SDK1: variants seen among roughly 807,000 people sequenced by gnomAD.
The protein encoded by SDK1 is sidekick cell adhesion molecule 1.
Under a neutral mutation model 245.5 loss-of-function variants are expected in SDK1, and 157 were observed. That is an observed-to-expected ratio of 0.64 (90% CI 0.56 to 0.73). The LOEUF (loss-of-function observed/expected upper bound fraction) is 0.73. Ranked by LOEUF, SDK1 falls within the 30% of genes least tolerant of loss-of-function variation. The pLI is 0.00. For synonymous variants in SDK1, 1,647 were observed against 1,278.5 expected (o/e 1.29, Z -6.15); for missense variants, 3,583 against 3,002.3 (o/e 1.19, Z -4.52).
At chr7:3,368,798 G>A (rs1442367851) in intron 1 of SDK1, among the ~76,000 whole-genome samples, 7 of 152,162 alleles carry the variant, frequency 4.6e-5, no homozygotes, top group African/African-American at 7.2e-5. Context: ...ACTTAGAACC[G>A]TGTGTGACAT....
chr7:3,824,912 A>G (rs942825798), intron 5 of SDK1, among the ~76,000 whole-genome samples: 2 of 152,190 alleles, frequency 1.3e-5, no homozygotes, highest in African/African-American at 2.4e-5. Context: ...GGTTAAGAAG[A>G]TAAATTCCAG....
chr7:3,744,166 C>G (rs531343905), intron 4 of SDK1, among the ~76,000 whole-genome samples: 4 of 152,026 alleles, frequency 2.6e-5, no homozygotes, highest in South Asian at 2.1e-4. Context: ...TGGCCTGGTG[C>G]CCCACTTTAT....
intron 4 of SDK1, among the ~76,000 whole-genome samples, chr7:3,776,363 G>A (rs535379627): frequency 7.9e-5 from 12 of 152,322 alleles, no homozygotes; most frequent in African/African-American, 2.9e-4. Context: ...GTTGCACGGT[G>A]AAAATCTATT....
chr7:3,585,831 C>T (rs983601852), intron 1 of SDK1, among the ~76,000 whole-genome samples: 1 of 151,972 alleles, frequency 6.6e-6, no homozygotes, highest in East Asian at 1.9e-4. Flanking sequence ...TTTTTGTCAG[C>T]GAGGAAATAA....
In SDK1 at chr7:3,388,815, C is replaced by T. The variant is rs1279568126; in HGVS notation, c.298+86931C>T. Among the ~76,000 whole-genome samples, 4 of 152,062 alleles carry T rather than the reference C, an allele frequency of 2.6e-5. No individual in the cohort carries two copies. In the East Asian group the frequency reaches 7.7e-4, roughly 29 times the overall value. On this transcript the variant is annotated intron_variant, in intron 1 of 44. Coordinates refer to ENST00000404826, the MANE Select transcript of SDK1 (RefSeq NM_152744.4). Reference sequence around the variant, plus strand: ...TAAGTCAACGTGTGTTTATCGAGTACCTACTGTGTCAGGCACATGCTTGAT... The same window carrying T: ...TAAGTCAACGTGTGTTTATCGAGTATCTACTGTGTCAGGCACATGCTTGAT...
chr7:3,955,951 G>A (rs955167560), intron 7 of SDK1, among the ~76,000 whole-genome samples: 1 of 152,208 alleles, frequency 6.6e-6, no homozygotes, highest in African/African-American at 2.4e-5. Context: ...GGAGGCAGCT[G>A]CCATGGGCTC....
chr7:3,947,530 T>TTGTGTGTGTGTGTGTG (rs745830597), intron 5 of SDK1, among the ~76,000 whole-genome samples: 1 of 140,376 alleles, frequency 7.1e-6, no homozygotes, highest in African/African-American at 2.6e-5. Context: ...AAGTATTTGC[T>TTGTGTGTGTGTGTGTG]TGTGTGTGTG....
At chr7:3,726,665 G>T (rs1430248756) in intron 4 of SDK1, among the ~76,000 whole-genome samples, 1 of 152,166 alleles carries the variant, frequency 6.6e-6, no homozygotes, top group Non-Finnish European at 1.5e-5. Context: ...ACTTTAAAAG[G>T]TGGGTAGTGG....
At chr7:3,862,162 C>A (rs1470251583) in intron 5 of SDK1, among the ~76,000 whole-genome samples, 1 of 152,210 alleles carries the variant, frequency 6.6e-6, no homozygotes, top group Non-Finnish European at 1.5e-5. Context: ...AATTGCTTTC[C>A]TTTATTTAGA....
chr7:4,040,127 C>G (rs1258845339), intron 17 of SDK1, among the ~76,000 whole-genome samples: 1 of 152,176 alleles, frequency 6.6e-6, no homozygotes, highest in Non-Finnish European at 1.5e-5. Context: ...TGTCTCACCA[C>G]ACTGGGGGCT....
rs114326837 is a variant in SDK1 at position 3,719,489 on chromosome 7, A to G, written c.713+77384A>G. Among the ~76,000 whole-genome samples, 1,023 of 152,276 alleles carry G rather than the reference A, an allele frequency of 6.7e-3. 12 individuals carry two copies. The highest frequency in any genetic ancestry group is 0.023 in the African/African-American group (970 of 41,552). ...AGACAGAGAACCCAGAAACAGACCC[A>G]CACGAATATGCCCAACTAATTTTTG... On this transcript the variant is annotated intron_variant, in intron 4 of 44. Transcript: ENST00000404826.
chr7:3,778,880 G>A (rs1780641622), intron 4 of SDK1, among the ~76,000 whole-genome samples: 2 of 152,192 alleles, frequency 1.3e-5, no homozygotes, highest in African/African-American at 2.4e-5. Flanking sequence ...TCAGGTGGGA[G>A]ACTAGCTGGC....
chr7:3,641,814 G>A (rs1240477733), intron 3 of SDK1, 144 bp from the exon 4 acceptor site: 16 of 682,948 alleles, frequency 2.3e-5, no homozygotes, highest in South Asian at 2.2e-4. Flanking sequence ...GTTGGTCAGC[G>A]CTGCCGTGCA....
intron 14 of SDK1, among the ~76,000 whole-genome samples, chr7:3,988,124 T>C (rs1784016301): frequency 6.8e-6 from 1 of 147,346 alleles, no homozygotes; most frequent in Non-Finnish European, 1.5e-5. Context: ...TGCATCCATC[T>C]TTTTAATGTT....
intron 1 of SDK1, among the ~76,000 whole-genome samples, chr7:3,418,128 C>T (rs773344301): frequency 4.6e-4 from 57 of 123,112 alleles, no homozygotes; most frequent in Middle Eastern, 7.9e-3. Context: ...AGGTGAAACC[C>T]GATCTCTACT....
chr7:3,982,943 G>T (rs1185792688), intron 13 of SDK1, among the ~76,000 whole-genome samples: 1 of 152,170 alleles, frequency 6.6e-6, no homozygotes, highest in Non-Finnish European at 1.5e-5. Context: ...GATGAGGCTG[G>T]AGGGGTTCAA....
At chr7:3,655,780 C>T (rs1184750432) in intron 4 of SDK1, among the ~76,000 whole-genome samples, 2 of 151,734 alleles carry the variant, frequency 1.3e-5, no homozygotes, top group African/African-American at 4.8e-5. Context: ...AGACTAAGTA[C>T]ACTAGATCGA....
At chr7:3,736,552 G>A (rs1263697413) in intron 4 of SDK1, among the ~76,000 whole-genome samples, 1 of 152,136 alleles carries the variant, frequency 6.6e-6, no homozygotes, top group Non-Finnish European at 1.5e-5. Context: ...GATTACAGGC[G>A]TGAGCCACCA....
intron 32 of SDK1, 139 bp from the exon 33 acceptor site, chr7:4,174,083 T>C (rs1281207884): frequency 2.3e-6 from 2 of 862,050 alleles, no homozygotes; most frequent in Non-Finnish European, 3.7e-6. Context: ...TTCGTCTTGA[T>C]GAATCTGACA....
Sources: allele counts gnomAD v4.1 joint callset (sites outside exome capture counted in the v4.1 genomes callset), GRCh38; gene constraint gnomAD v4.1.1; transcripts MANE v1.5; gene names NCBI Gene and HGNC (gene_info 2026-07-23, HGNC 2026-07-21).